Variants in CHRNB4 observed in about 807,000 individuals in gnomAD.
The protein encoded by CHRNB4 is cholinergic receptor nicotinic beta 4 subunit, also known as neuronal acetylcholine receptor subunit beta-4.
CHRNB4 carries 23 observed loss-of-function variants against 40.4 expected under a neutral mutation model. The ratio of observed to expected loss-of-function variants is 0.57; its 90% CI spans 0.41 to 0.81. The LOEUF is 0.81. Ranked by LOEUF, CHRNB4 falls within the 30% of genes least tolerant of loss-of-function variation. The pLI, the probability that CHRNB4 is intolerant of heterozygous loss-of-function variation, is 0.00. For synonymous variants in CHRNB4, 285 were observed against 274.4 expected (o/e 1.04, Z -0.38); for missense variants, 568 against 670.6 (o/e 0.85, Z 1.69).
At chr15:78,636,001 G>A (rs1425699226) in intron 1 of CHRNB4, among the ~76,000 whole-genome samples, 1 of 151,738 alleles carries the variant, frequency 6.6e-6, no homozygotes, top group Admixed American at 6.6e-5. Context: ...TCTGCCACCT[G>A]AGTTCAAGCA....
At chr15:78,657,032 CTTCTT>C (rs1410332163) in intron 3 of CHRNB4, among the ~76,000 whole-genome samples, 2 of 143,906 alleles carry the variant, frequency 1.4e-5, no homozygotes, top group African/African-American at 5.0e-5. Flanking sequence ...TTTTTCTTTT[CTTCTT>C]TTTTTTTTTT....
At chr15:78,660,904 C>T (rs190881084), upstream of CHRNB4, 55 of 373,152 alleles carry the variant, frequency 1.5e-4, no homozygotes, top group African/African-American at 4.4e-4. Flanking sequence ...CAAACTTTCA[C>T]GTGCACACAA....
rs1439476731 is a variant in CHRNB4 at position 78,629,831 on chromosome 15, C to CTTCA, written c.470_473dup (p.Lys158AsnfsTer21). 2 of 1,614,130 alleles carry CTTCA rather than the reference C, an allele frequency of 1.2e-6. No individual in the cohort carries two copies. The highest frequency in any genetic ancestry group is 1.7e-6 in the Non-Finnish European group (2 of 1,180,034). On this transcript the variant is annotated frameshift_variant, in exon 5 of 6. Coordinates refer to ENST00000261751, the MANE Select transcript of CHRNB4 (RefSeq NM_000750.5). LOFTEE classifies it high-confidence loss of function. The surrounding 1 kb of genome is among the most constrained non-coding windows in gnomAD (Gnocchi z 6.8). ...AGTTCTGCTGGTCGAAGGGAAAGTA[C>CTTCA]TTCACCTCAATCTTGCAGGCGCTCT...
In CHRNB4 at chr15:78,629,700, T is replaced by C; in HGVS notation, c.605A>G (p.Asp202Gly). The C allele has an allele frequency of 6.2e-7, 1 of 1,614,154 alleles. No homozygotes were observed. The highest frequency in any genetic ancestry group is 8.5e-7 in the Non-Finnish European group (1 of 1,180,034). ...CCTTCTCCCTGGGAGGGCCACTATG[T>C]CCCACTCACCACTGGGAGTAAAGTC... ...MDDFTPSGEW[D>G]IVALPGRRTV... Residue 202 changes from aspartate to glycine, a missense_variant, in exon 5 of 6, where the codon GAC becomes GGC. Asp to Gly is a moderately conservative substitution (Grantham distance 94). Transcript: ENST00000261751. The surrounding 1 kb of genome is among the most constrained non-coding windows in gnomAD (Gnocchi z 6.8).
chr15:78,649,668 CAT>C (rs1822151563), intron 6 of CHRNB4, among the ~76,000 whole-genome samples: 1 of 152,238 alleles, frequency 6.6e-6, no homozygotes, highest in African/African-American at 2.4e-5. Context: ...GTACAAATCA[CAT>C]ATAACATACG....
intron 7 of CHRNB4, among the ~76,000 whole-genome samples, chr15:78,649,068 G>A (rs960347149): frequency 6.6e-5 from 10 of 152,124 alleles, no homozygotes; most frequent in Non-Finnish European, 1.2e-4. Context: ...GTGAGCCACC[G>A]CTCCCGGCAG....
chr15:78,624,906 T>C lies in CHRNB4; in HGVS notation c.*227A>G. On this transcript the variant is annotated 3_prime_UTR_variant, in exon 6 of 6. Transcript: ENST00000261751. ...GAAGGAAGACAGGCCAGAATTGAAC[T>C]GTCTGAAGCTCCCTCCTACTGGGGC... 7.0e-7 allele frequency: 1 copy of C among 1,427,450 alleles called. No homozygotes were observed. The highest frequency in any genetic ancestry group is 1.4e-5 in the South Asian group (1 of 70,252). The allele number at this position is 1,427,450 out of a possible 1,614,324, so 88.4% of individuals were successfully genotyped here.
At chr15:78,661,140 T>C (rs2054249613), upstream of CHRNB4, 3 of 622,538 alleles carry the variant, frequency 4.8e-6, no homozygotes, top group Non-Finnish European at 3.1e-6. Flanking sequence ...GCGGCGTTCC[T>C]GGGGCCTTGC....
At chr15:78,649,932 C>T (rs937687362) in intron 6 of CHRNB4, among the ~76,000 whole-genome samples, 8 of 152,120 alleles carry the variant, frequency 5.3e-5, no homozygotes, top group Admixed American at 2.0e-4. Context: ...TGAACAACTC[C>T]GGATAATGGT....
intron 1 of CHRNB4, among the ~76,000 whole-genome samples, chr15:78,639,009 T>C (rs2054014940): frequency 6.6e-6 from 1 of 152,214 alleles, no homozygotes; most frequent in Non-Finnish European, 1.5e-5. Context: ...TGGGAAGAAT[T>C]GTTCCCTGCC....
At position 78,635,448 on chromosome 15, in the gene CHRNB4, A is replaced by G; in HGVS notation, c.195T>C (p.Leu65=). Residue 65 remains leucine (L), a synonymous_variant, in exon 2 of 6, where the codon CTT becomes CTC. Coordinates refer to ENST00000261751, the MANE Select transcript of CHRNB4 (RefSeq NM_000750.5). ...SIKLQLSLAQ[L]ISVNEREQIM... The stretch of plus-strand genomic sequence containing the variant: ...TGCCCTCTGCACCTACCACGCTGAT[A>G]AGCTGGGCCAGGGAGAGCTGCAGCT... 1 of 1,613,928 alleles carries G rather than the reference A, an allele frequency of 6.2e-7. No individual in the cohort carries two copies. Among genetic ancestry groups the G allele is most frequent in the African/African-American group, 1.3e-5 (1 of 75,054 alleles).
At chr15:78,640,874 C>T (rs1168957372) in intron 1 of CHRNB4, among the ~76,000 whole-genome samples, 1 of 152,206 alleles carries the variant, frequency 6.6e-6, no homozygotes, top group East Asian at 1.9e-4. Context: ...GCCCCCACTC[C>T]AAACCTGGCA....
At chr15:78,656,028 G>A (rs1260584304) in intron 4 of CHRNB4, among the ~76,000 whole-genome samples, 8 of 152,110 alleles carry the variant, frequency 5.3e-5, no homozygotes, top group South Asian at 4.1e-4. Context: ...TGTTTGCTCC[G>A]ACATACAGTT....
chr15:78,633,216 A>C (rs1024389886), intron 2 of CHRNB4, among the ~76,000 whole-genome samples: 1 of 152,194 alleles, frequency 6.6e-6, no homozygotes, highest in Admixed American at 6.5e-5. Flanking sequence ...TCATTTCCTC[A>C]AGGAACCTAC....
At chr15:78,656,647 C>A (rs1847769027) in exon 4 of CHRNB4, 2 of 152,198 alleles carry the variant, frequency 1.3e-5, no homozygotes, top group African/African-American at 4.8e-5. Flanking sequence ...GGAATTCCTG[C>A]AGCACTCATT....
At chr15:78,648,367 T>C (rs2054143676) in intron 7 of CHRNB4, among the ~76,000 whole-genome samples, 1 of 136,124 alleles carries the variant, frequency 7.3e-6, no homozygotes, top group Non-Finnish European at 1.5e-5. Flanking sequence ...CACTCCAGCC[T>C]GGGCGACAGA....
chr15:78,626,352 G>C (rs1293503891), intron 5 of CHRNB4: 2 of 72,740 alleles, frequency 2.7e-5, no homozygotes, highest in Non-Finnish European at 7.2e-5. Context: ...GTGTGTGTGT[G>C]TGTGTGTGTG....
At position 78,629,822 on chromosome 15, in the gene CHRNB4, G is replaced by T; in HGVS notation, c.483C>A (p.Pro161=). The T allele has an allele frequency of 6.2e-7, 1 of 1,614,158 alleles. No individual in the cohort carries two copies. Among genetic ancestry groups the T allele is most frequent in the Non-Finnish European group, 8.5e-7 (1 of 1,180,046 alleles). The change falls in exon 5 of 6, where the codon CCC becomes CCA. Residue 161 remains proline, a synonymous_variant. Transcript: ENST00000261751. The surrounding 1 kb of genome is among the most constrained non-coding windows in gnomAD (Gnocchi z 6.8). The part of the protein sequence containing the change: ...SACKIEVKYF[P]FDQQNCTLKF... ...TGAGGGTGCAGTTCTGCTGGTCGAA[G>T]GGAAAGTACTTCACCTCAATCTTGC... is the stretch of plus-strand genomic sequence containing the variant.
intron 5 of CHRNB4, chr15:78,627,865 T>A (rs1286580248): frequency 2.6e-5 from 4 of 152,176 alleles, no homozygotes; most frequent in Non-Finnish European, 5.9e-5. Context: ...AACCTCTTTT[T>A]AAAAAATCCG....
Sources: gnomAD v4.1 joint callset for allele counts (sites outside exome capture counted in the v4.1 genomes callset) on GRCh38, gnomAD v4.1.1 for gene constraint, Gnocchi (gnomAD v3.1) non-coding constraint, MANE v1.5 for transcripts, NCBI Gene and HGNC (gene_info 2026-07-23, HGNC 2026-07-21) for gene names.